The following SPOCD1 variants were observed in gnomAD, a reference collection of about 807,000 sequenced individuals.
SPOCD1 encodes SPOC domain containing 1, also known as SPOC domain-containing protein 1.
In SPOCD1, 64 loss-of-function variants were observed where a neutral mutation model predicts 92.2. That is an observed-to-expected ratio of 0.69 (90% CI 0.57 to 0.86). The LOEUF (loss-of-function observed/expected upper bound fraction) is 0.86. SPOCD1 is among the 40% of genes least tolerant of loss of function. SPOCD1 has a pLI of 0.00. For missense variants in SPOCD1, 1,360 were observed against 1,543.1 expected, an observed-to-expected ratio of 0.88 and a Z score of 1.99; for synonymous variants, 578 against 619.3, an observed-to-expected ratio of 0.93 and a Z score of 0.99.
rs115594549 is a variant in SPOCD1 at position 31,799,344 on chromosome 1, C to G, written c.1868+57G>C. The stretch of plus-strand genomic sequence containing the variant: ...TTAGAACATGGCAGGGCCCCGGAGG[C>G]GGGGGCATGTGAGGGCGGCCCTTGG... On this transcript the variant is annotated intron_variant, in intron 7 of 15. Transcript: ENST00000360482. 6 of 1,467,582 alleles carry G rather than the reference C, an allele frequency of 4.1e-6. No homozygotes were observed. The Admixed American group carries it at 1.2e-4, about 28-fold the overall frequency. The allele number at this position is 1,467,582 out of a possible 1,614,324, so 90.9% of individuals were successfully genotyped here.
intron 3 of SPOCD1, among the ~76,000 whole-genome samples, chr1:31,801,376 TTTCAA>T (rs1479277941): frequency 6.6e-6 from 1 of 152,226 alleles, no homozygotes; most frequent in Admixed American, 6.5e-5. Flanking sequence ...TTTAAGTGTG[TTTCAA>T]TTCTTTTCAT....
chr1:31,796,943 G>A (rs79151928), intron 9 of SPOCD1, among the ~76,000 whole-genome samples: 546 of 152,226 alleles, frequency 3.6e-3, no homozygotes, highest in Non-Finnish European at 6.2e-3. Context: ...AAGCCTTCCC[G>A]GATTTCGCTT....
chr1:31,800,285 G>A, intron 4 of SPOCD1, 144 bp from the exon 5 acceptor site: 3 of 1,454,926 alleles, frequency 2.1e-6, no homozygotes, highest in Non-Finnish European at 2.8e-6. Flanking sequence ...ATGGAGCCCA[G>A]GCCAGCCATG....
Position 31,814,281 on chromosome 1 carries a change from G to T in SPOCD1, c.1053C>A (p.Ser351Arg), listed in dbSNP as rs370713144. ...QEAVCVVRTG[S>R]DEGQAPAQDQ... ...CCTGTGCTGGAGCCTGGCCTTCATC[G>T]CTGCCAGTCCGCACGACACACACAG... The change falls in exon 2 of 16, where the codon AGC becomes AGA. Residue 351 changes from serine to arginine, a missense_variant. Physicochemically the swap from Ser to Arg is moderately radical, Grantham distance 110. Coordinates refer to ENST00000360482, the MANE Select transcript of SPOCD1 (RefSeq NM_144569.7). The surrounding 1 kb of genome is among the most constrained non-coding windows in gnomAD (Gnocchi z 4.2). The T allele has an allele frequency of 1.3e-6, 2 of 1,578,084 alleles. No homozygotes were observed. The highest frequency in any genetic ancestry group is 1.1e-5 in the South Asian group (1 of 87,326).
rs146368179 is a variant in SPOCD1 at position 31,814,755 on chromosome 1, G to A, written c.579C>T (p.Pro193=). 42 of 1,613,516 alleles carry A rather than the reference G, an allele frequency of 2.6e-5. No individual in the cohort carries two copies. In the African/African-American group the frequency reaches 4.8e-4, roughly 18 times the overall value. Residue 193 remains proline (P), a synonymous_variant, in exon 2 of 16, where the codon CCC becomes CCT. Coordinates refer to ENST00000360482, the MANE Select transcript of SPOCD1 (RefSeq NM_144569.7). This position sits in a 1 kb window ranked among gnomAD's most constrained non-coding sequence, Gnocchi z 4.2. ...GGACTGGGTCTGGTGAGGATGTCAGGGGCCTTCCAGGGGGCTCCTCTTTGC... is the reference window on the plus strand; with the variant it reads ...GGACTGGGTCTGGTGAGGATGTCAGAGGCCTTCCAGGGGGCTCCTCTTTGC... ...TLSKEEPPGR[P]LTSSPDPVPV... is the part of the protein sequence containing the mutation.
intron 2 of SPOCD1, among the ~76,000 whole-genome samples, chr1:31,806,334 C>T (rs1428701650): frequency 6.6e-6 from 1 of 152,070 alleles, no homozygotes; most frequent in Non-Finnish European, 1.5e-5. Context: ...ATACATGCAA[C>T]ATATATAAAA....
intron 2 of SPOCD1, among the ~76,000 whole-genome samples, chr1:31,807,758 T>C (rs892904732): frequency 1.3e-5 from 2 of 151,738 alleles, no homozygotes; most frequent in African/African-American, 2.4e-5. Context: ...TCTGACAAGA[T>C]TGATTAAGGA....
chr1:31,796,699 T>G lies in SPOCD1; in HGVS notation c.2162A>C (p.Glu721Ala), dbSNP rs149999348. Residue 721 changes from glutamate (E) to alanine (A), a missense_variant, in exon 10 of 16, where the codon GAG becomes GCG. By Grantham distance (107) the Glu-to-Ala change is moderately radical (BLOSUM62 -1). Around this residue, in one of 3 missense-constraint regions of SPOCD1, gnomAD observed 614 missense variants for 757.8 expected, o/e 0.81. Coordinates refer to ENST00000360482, the MANE Select transcript of SPOCD1 (RefSeq NM_144569.7). The stretch of plus-strand genomic sequence containing the variant: ...TCTGCACGGCTCCTTCTGTTGCTGC[T>G]CAATGATATTCAGGCCCTGAAGAGG... ...QEEKRGLNII[E>A]QQQKEPCRLP... 3 of 1,614,102 alleles carry G rather than the reference T, an allele frequency of 1.9e-6. No individual in the cohort carries two copies. Among genetic ancestry groups the G allele is most frequent in the Non-Finnish European group, 2.5e-6 (3 of 1,180,036 alleles).
intron 2 of SPOCD1, 55 bp from the exon 3 acceptor site, chr1:31,801,760 G>A (rs1648483340): frequency 7.0e-7 from 1 of 1,420,000 alleles, no homozygotes; most frequent in African/African-American, 1.4e-5. Flanking sequence ...GCCACCCCAT[G>A]GCAGGGAATT....
intron 2 of SPOCD1, among the ~76,000 whole-genome samples, chr1:31,803,949 G>A (rs1648646001): frequency 6.6e-6 from 1 of 151,660 alleles, no homozygotes; most frequent in South Asian, 2.1e-4. Flanking sequence ...GAAAGAGAAT[G>A]GGTAGAAGCA....
Position 31,814,296 on chromosome 1 carries a change from G to T in SPOCD1, c.1038C>A (p.Val346=). The T allele has an allele frequency of 1.3e-6, 2 of 1,575,992 alleles. No individual in the cohort carries two copies. The highest frequency in any genetic ancestry group is 1.1e-5 in the South Asian group (1 of 86,960). ...GGCCTTCATCGCTGCCAGTCCGCAC[G>T]ACACACACAGCTTCTTGCTGCTCTG... The part of the protein sequence containing the change: ...ASAEQQEAVC[V]VRTGSDEGQA... Residue 346 remains valine, a synonymous_variant, in exon 2 of 16, where the codon GTC becomes GTA. Coordinates refer to ENST00000360482, the MANE Select transcript of SPOCD1 (RefSeq NM_144569.7). The surrounding 1 kb of genome is among the most constrained non-coding windows in gnomAD (Gnocchi z 4.2).
chr1:31,798,099 G>C lies in SPOCD1; in HGVS notation c.2145+108C>G. 1 of 827,264 alleles carries C rather than the reference G, an allele frequency of 1.2e-6. No homozygotes were observed. Among genetic ancestry groups the C allele is most frequent in the Admixed American group, 1.9e-5 (1 of 52,772 alleles). The allele number at this position is 827,264 out of a possible 1,614,324, so 51.2% of individuals were successfully genotyped here. A position where few individuals can be genotyped will look rare whatever the true frequency, so the allele number is the denominator to read the frequency against. ...TCTGTTTCCTTGTTTCTGTCTTTCT[G>C]AATTCCTCCTCCCTCCCTCCCTGTC... On this transcript the variant is annotated intron_variant, in intron 9 of 15. Transcript: ENST00000360482. The surrounding 1 kb of genome is among the most constrained non-coding windows in gnomAD (Gnocchi z 4.1).
chr1:31,814,458 C>T lies in SPOCD1; in HGVS notation c.876G>A (p.Gly292=). The change falls in exon 2 of 16, where the codon GGG becomes GGA. Residue 292 remains glycine (G), a synonymous_variant. Transcript: ENST00000360482. The surrounding 1 kb of genome is among the most constrained non-coding windows in gnomAD (Gnocchi z 4.2). The part of the protein sequence containing the change: ...TEKFGYLPAT[G]DGPQPGSPCG... ...AGGGGCTGCCTGGCTGGGGCCCATC[C>T]CCTGTAGCGGGCAAATATCCAAATT... 1 of 1,587,470 alleles carries T rather than the reference C, an allele frequency of 6.3e-7. No individual in the cohort carries two copies. Among genetic ancestry groups the T allele is most frequent in the African/African-American group, 1.3e-5 (1 of 74,154 alleles).
intron 15 of SPOCD1, 155 bp from the exon 16 acceptor site, chr1:31,791,446 A>G: frequency 1.8e-6 from 1 of 545,722 alleles, no homozygotes; most frequent in Non-Finnish European, 3.0e-6. Context: ...TGCGGGATCA[A>G]GGCTTATCTG....
intron 2 of SPOCD1, among the ~76,000 whole-genome samples, chr1:31,813,438 T>C (rs533111483): frequency 6.6e-6 from 1 of 152,348 alleles, no homozygotes; most frequent in East Asian, 1.9e-4. Flanking sequence ...CTAATTTTTG[T>C]ATTTTTAGTA....
At chr1:31,794,275 C>G in intron 10 of SPOCD1, 40 bp from the exon 11 acceptor site, 1 of 1,542,204 alleles carries the variant, frequency 6.5e-7, no homozygotes, top group East Asian at 2.3e-5. Context: ...GAAAACGTGG[C>G]TGGGGGTGCC....
intron 2 of SPOCD1, among the ~76,000 whole-genome samples, chr1:31,802,189 G>A (rs1440042170): frequency 6.6e-6 from 1 of 152,140 alleles, no homozygotes; most frequent in East Asian, 1.9e-4. Flanking sequence ...CCATCAAAGG[G>A]AAATGGTTAA....
At chr1:31,808,753 C>G (rs1008954813) in intron 2 of SPOCD1, among the ~76,000 whole-genome samples, 1 of 151,356 alleles carries the variant, frequency 6.6e-6, no homozygotes, top group African/African-American at 2.4e-5. Context: ...ATAACAAAAA[C>G]TGTCATTTGT....
chr1:31,792,689 C>G lies in SPOCD1; in HGVS notation c.2764G>C (p.Ala922Pro). 1 of 1,601,524 alleles carries G rather than the reference C, an allele frequency of 6.2e-7. No homozygotes were observed. Among genetic ancestry groups the G allele is most frequent in the Non-Finnish European group, 8.5e-7 (1 of 1,174,452 alleles). The change falls in exon 14 of 16, where the codon GCC becomes CCC. Residue 922 changes from alanine to proline, a missense_variant. By Grantham distance (27) the Ala-to-Pro change is conservative. Coordinates refer to ENST00000360482, the MANE Select transcript of SPOCD1 (RefSeq NM_144569.7). ...VWDLLASICP[A>P]KAKDVCVVRL... is the part of the protein sequence containing the mutation. ...GAGTGGGCAGGTACCTTGGCCTTGG[C>G]TGGGCAGATGCTGGCCAGAAGGTCC...
Sources: gnomAD v4.1 joint callset for allele counts (sites outside exome capture counted in the v4.1 genomes callset) on GRCh38, gnomAD v4.1.1 for gene constraint, gnomAD v4.1.1 regional missense constraint, Gnocchi (gnomAD v3.1) non-coding constraint, MANE v1.5 for transcripts, NCBI Gene and HGNC (gene_info 2026-07-23, HGNC 2026-07-21) for gene names.